Variants in NBPF4 observed in about 807,000 individuals in gnomAD.
The protein encoded by NBPF4 is NBPF member 4.
Under a neutral mutation model 21.1 loss-of-function variants are expected in NBPF4, and 11 were observed. The ratio of observed to expected loss-of-function variants is 0.52; its 90% CI spans 0.33 to 0.86. NBPF4 has a LOEUF of 0.86. Ranked by LOEUF, NBPF4 falls within the 40% of genes least tolerant of loss-of-function variation. The pLI is 0.03. For missense variants in NBPF4, 88 were observed against 265.3 expected, an observed-to-expected ratio of 0.33 and a Z score of 4.64; for synonymous variants, 47 against 106.4, an observed-to-expected ratio of 0.44 and a Z score of 3.43.
the NBPF4 span, among the ~76,000 whole-genome samples, chr1:108,264,872 T>G: frequency 8.4e-6 from 1 of 119,198 alleles, no homozygotes; most frequent in Non-Finnish European, 1.8e-5. Flanking sequence ...TACCAGAACC[T>G]CTGGGGTGCA....
At chr1:108,257,668 G>A in the NBPF4 span, among the ~76,000 whole-genome samples, 1 of 138,640 alleles carries the variant, frequency 7.2e-6, no homozygotes, top group Non-Finnish European at 1.5e-5. Flanking sequence ...TCTTTTTCAT[G>A]TTTGTCAAAT....
chr1:108,244,953 C>G (rs1446455960), upstream of NBPF4, among the ~76,000 whole-genome samples: 11 of 27,932 alleles, frequency 3.9e-4, no homozygotes, highest in African/African-American at 1.3e-3. Flanking sequence ...TATATACACA[C>G]ACATATAGAG....
At chr1:108,264,823 A>G in the NBPF4 span, among the ~76,000 whole-genome samples, 1 of 108,662 alleles carries the variant, frequency 9.2e-6, no homozygotes, top group Admixed American at 1.1e-4. Context: ...GCCAGAAATC[A>G]GGAAGTTCTT....
upstream of NBPF4, among the ~76,000 whole-genome samples, chr1:108,247,918 A>G (rs1649888914): frequency 6.8e-6 from 1 of 147,956 alleles, no homozygotes; most frequent in Non-Finnish European, 1.5e-5. Context: ...GGCACAAGTG[A>G]TCCTCCTGCC....
At chr1:108,258,424 T>A in the NBPF4 span, among the ~76,000 whole-genome samples, 70 of 139,570 alleles carry the variant, frequency 5.0e-4, 15 homozygotes, top group African/African-American at 1.9e-3. Flanking sequence ...TACATTTCAA[T>A]TGTGCATTGG....
In NBPF4 at chr1:108,223,840, C is replaced by G. The variant is rs564919183; in HGVS notation, c.1876-94G>C. 499 of 1,220,896 alleles carry G rather than the reference C, an allele frequency of 4.1e-4. 2 individuals are homozygous for G. In the South Asian group the frequency reaches 4.8e-3, roughly 12 times the overall value. 75.6% of individuals were successfully genotyped at this position (1,220,896 alleles called of 1,614,324 possible). A position where few individuals can be genotyped will look rare whatever the true frequency, so the allele number is the denominator to read the frequency against. On this transcript the variant is annotated intron_variant, in intron 14 of 14. Transcript: ENST00000415641. ...GAGGGATTGCTAAGCAGTGATATCT[C>G]ACTGGGATCTCCTGCTGGGAGGATG...
intron 13 of NBPF4, among the ~76,000 whole-genome samples, chr1:108,228,609 A>C (rs1403444145): frequency 0.014 from 2,137 of 151,820 alleles, 31 homozygotes; most frequent in African/African-American, 0.049. Flanking sequence ...TTATGGAATC[A>C]GGCCCTTTGG....
chr1:108,259,570 A>G, the NBPF4 span, among the ~76,000 whole-genome samples: 1 of 144,182 alleles, frequency 6.9e-6, no homozygotes, highest in Non-Finnish European at 1.5e-5. Context: ...ACCTGTTCCT[A>G]TTGGATGTTA....
rs1649344065 is a variant in NBPF4 at position 108,222,711 on chromosome 1, A to G, written c.*994T>C. On this transcript the variant is annotated 3_prime_UTR_variant, in exon 15 of 15. Transcript: ENST00000415641. ...AAGATTTTGAGATAGACAATTTTCA[A>G]TGTACAAACTTAAATATAATAACTG... 6.6e-6 allele frequency among the ~76,000 whole-genome samples: 1 copy of G among 152,334 alleles called. No individual in the cohort carries two copies. The highest frequency in any genetic ancestry group is 2.1e-4 in the South Asian group (1 of 4,822).
At chr1:108,247,608 C>T (rs1333890346), upstream of NBPF4, among the ~76,000 whole-genome samples, 6 of 151,958 alleles carry the variant, frequency 3.9e-5, no homozygotes, top group Non-Finnish European at 8.8e-5. Context: ...CTCCCCCAAT[C>T]CCCTTTCCAC....
chr1:108,259,736 T>A, the NBPF4 span, among the ~76,000 whole-genome samples: 1 of 151,102 alleles, frequency 6.6e-6, no homozygotes, highest in African/African-American at 2.5e-5. Context: ...GTAATGTTAT[T>A]TGCCACTTTT....
the NBPF4 span, among the ~76,000 whole-genome samples, chr1:108,268,780 A>G: frequency 7.0e-6 from 1 of 143,464 alleles, no homozygotes; most frequent in Non-Finnish European, 1.5e-5. Context: ...TGCCAAACAC[A>G]TGGGGTTCGG....
chr1:108,229,089 C>A lies in NBPF4; in HGVS notation c.1491G>T (p.Val497=), dbSNP rs541440618. Residue 497 remains valine (V), a synonymous_variant, in exon 13 of 15, where the codon GTG becomes GTT. Coordinates refer to ENST00000415641, the MANE Select transcript of NBPF4 (RefSeq NM_001143989.3). ...SGDLSHHQSE[V]QVSQAQLEPS... ...GTTCCAGCTGTGCCTGTGAAACTTG[C>A]ACCTCTGACTGGTGGTGGCTCAAGT... 1.2e-5 allele frequency: 19 copies of A among 1,551,170 alleles called. No individual in the cohort carries two copies. The East Asian group carries it at 4.2e-4, about 34-fold the overall frequency.
the NBPF4 span, among the ~76,000 whole-genome samples, chr1:108,252,378 G>GT: frequency 2.0e-3 from 38 of 19,006 alleles, no homozygotes; most frequent in African/African-American, 8.4e-3. Flanking sequence ...TTGGCTTGAA[G>GT]TTTTTTTTTA....
rs563793867 is a variant in NBPF4 at position 108,234,952 on chromosome 1, A to T, written c.1028+284T>A. ...CCAGCAGAAAGCAGATATGCATCTC[A>T]GGCTGGTTGACACCATAAGAAGAGT... On this transcript the variant is annotated intron_variant, in intron 9 of 14. Transcript: ENST00000415641. 4.6e-5 allele frequency among the ~76,000 whole-genome samples: 4 copies of T among 86,732 alleles called. 2 individuals carry two copies. Among genetic ancestry groups the T allele is most frequent in the East Asian group, 9.4e-4 (2 of 2,126 alleles). The allele number at this position is 86,732 out of a possible 152,430, so 56.9% of individuals were successfully genotyped here.
rs1166677574 is a variant in NBPF4, at chr1:108,222,940, C to CTGCA, written c.*761_*764dup. 6.6e-6 allele frequency among the ~76,000 whole-genome samples: 1 copy of CTGCA among 152,168 alleles called. No individual in the cohort carries two copies. Among genetic ancestry groups the CTGCA allele is most frequent in the Non-Finnish European group, 1.5e-5 (1 of 68,030 alleles). The stretch of plus-strand genomic sequence containing the variant: ...GATGGACACACTGGGCCTTCTCTGC[C>CTGCA]TGCAGATGGGCTGAGGTAGGAAGCT... On this transcript the variant is annotated 3_prime_UTR_variant, in exon 15 of 15. Coordinates refer to ENST00000415641, the MANE Select transcript of NBPF4 (RefSeq NM_001143989.3).
chr1:108,222,737 A>G lies in NBPF4; in HGVS notation c.*968T>C, dbSNP rs1649344985. On this transcript the variant is annotated 3_prime_UTR_variant, in exon 15 of 15. Transcript: ENST00000415641. Reference sequence around the variant, plus strand: ...TGTACAAACTTAAATATAATAACTGACACAGACGGGGTGATTAATTGGTGA... The same window carrying G: ...TGTACAAACTTAAATATAATAACTGGCACAGACGGGGTGATTAATTGGTGA... Among the ~76,000 whole-genome samples the G allele has an allele frequency of 6.6e-6, 1 of 152,230 alleles. No individual in the cohort carries two copies. The highest frequency in any genetic ancestry group is 2.4e-5 in the African/African-American group (1 of 41,458).
intron 3 of NBPF4, among the ~76,000 whole-genome samples, 171 bp from the exon 4 acceptor site, chr1:108,241,335 TATATACACACAC>T (rs1340037623): frequency 3.8e-5 from 5 of 131,250 alleles, no homozygotes; most frequent in African/African-American, 8.9e-5. Context: ...TATATATATA[TATATACACACAC>T]ACACACACAC....
At position 108,226,314 on chromosome 1, in the gene NBPF4, G is replaced by A. The variant is rs571093180; in HGVS notation, c.1875+365C>T. Among the ~76,000 whole-genome samples, 159 of 151,510 alleles carry A rather than the reference G, an allele frequency of 1.0e-3. 9 individuals are homozygous for A. Among genetic ancestry groups the A allele is most frequent in the African/African-American group, 3.5e-3 (145 of 41,004 alleles). On this transcript the variant is annotated intron_variant, in intron 14 of 14. Transcript: ENST00000415641. ...CTGCAGAAAGAGGCAATGGAGTTGG[G>A]GATGCAGCAAGGAAAGGTAAATTTC...
Sources: gnomAD v4.1 joint callset for allele counts (sites outside exome capture counted in the v4.1 genomes callset) on GRCh38, gnomAD v4.1.1 for gene constraint, MANE v1.5 for transcripts, NCBI Gene and HGNC (gene_info 2026-07-23, HGNC 2026-07-21) for gene names.